Variants in MAPK7 observed in about 807,000 individuals in gnomAD.
MAPK7 encodes BMK-1.
MAPK7 carries 30 observed loss-of-function variants against 56.9 expected under a neutral mutation model. That is an observed-to-expected ratio of 0.53 (90% confidence interval 0.39 to 0.72). The LOEUF is 0.72. Ranked by LOEUF, MAPK7 falls within the 30% of genes least tolerant of loss-of-function variation. The pLI, the probability that MAPK7 is intolerant of heterozygous loss-of-function variation, is 0.00. For synonymous variants in MAPK7, 516 were observed against 449.3 expected (o/e 1.15, Z -1.88); for missense variants, 952 against 1,110.8 (o/e 0.86, Z 2.03).
chr17:19,382,752 T>G, intron 5 of MAPK7, 61 bp from the exon 6 acceptor site: 11 of 1,588,886 alleles, frequency 6.9e-6, no homozygotes, highest in Admixed American at 1.7e-5. Context: ...GTCAGCAGCA[T>G]TGGGACAGGG....
In MAPK7 at chr17:19,381,860, G is replaced by A; in HGVS notation, c.1557G>A (p.Glu519=). ...AGGAGCGCCAGCGGGAGCGGGAGGA[G>A]AAGCGGCGGAGGCGGCAAGAACGAG... ...TAQERQRERE[E]KRRRRQERAK... is the part of the protein sequence containing the mutation. Residue 519 remains glutamate, a synonymous_variant, in exon 5 of 7, where the codon GAG becomes GAA. Coordinates refer to ENST00000395604, the MANE Select transcript of MAPK7 (RefSeq NM_002749.4). The surrounding 1 kb of genome is among the most constrained non-coding windows in gnomAD (Gnocchi z 4.6). 1 of 1,585,032 alleles carries A rather than the reference G, an allele frequency of 6.3e-7. No individual in the cohort carries two copies.
chr17:19,378,199 C>T (rs894047109), upstream of MAPK7: 49 of 984,316 alleles, frequency 5.0e-5, no homozygotes, highest in Non-Finnish European at 5.7e-5. The surrounding 1 kb of genome is among the most constrained non-coding windows in gnomAD (Gnocchi z 5.4). Flanking sequence ...TTCATGGGGA[C>T]GCGCGCGCTA....
chr17:19,378,512 C>G lies in MAPK7; in HGVS notation c.-124C>G. The G allele has an allele frequency of 9.1e-7, 1 of 1,101,876 alleles. No individual in the cohort carries two copies. The highest frequency in any genetic ancestry group is 1.1e-6 in the Non-Finnish European group (1 of 899,630). 68.3% of individuals were successfully genotyped at this position (1,101,876 alleles called of 1,614,324 possible). A position where few individuals can be genotyped will look rare whatever the true frequency, so the allele number is the denominator to read the frequency against. The stretch of plus-strand genomic sequence containing the variant: ...GGGGGACGGACAGGGCAGCTCAAGA[C>G]GCTGAGGTGGTGGCTGCGGCCTTTG... On this transcript the variant is annotated 5_prime_UTR_variant, in exon 1 of 7. Coordinates refer to ENST00000395604, the MANE Select transcript of MAPK7 (RefSeq NM_002749.4). The surrounding 1 kb of genome is among the most constrained non-coding windows in gnomAD (Gnocchi z 5.4).
chr17:19,379,569 G>A, intron 2 of MAPK7: 9 of 587,104 alleles, frequency 1.5e-5, no homozygotes, highest in South Asian at 4.2e-5. Context: ...CTTTAACGTT[G>A]ACCTATTGGG....
rs1046415750 is a variant in MAPK7, at chr17:19,381,112, G to A, written c.903G>A (p.Leu301=). 3.7e-6 allele frequency: 6 copies of A among 1,613,884 alleles called. No homozygotes were observed. In the Admixed American group the frequency reaches 6.7e-5, roughly 18 times the overall value. The change falls in exon 4 of 7, where the codon TTG becomes TTA. Residue 301 remains leucine (L), a synonymous_variant. Transcript: ENST00000395604. This position sits in a 1 kb window ranked among gnomAD's most constrained non-coding sequence, Gnocchi z 4.6. ...AERVRAYIQS[L]PPRQPVPWET... is the part of the protein sequence containing the mutation. ...GGGTGCGGGCCTATATCCAGAGCTT[G>A]CCACCACGCCAGCCTGTGCCCTGGG...
In MAPK7 at chr17:19,381,035, A is replaced by G; in HGVS notation, c.826A>G (p.Met276Val). 8 of 1,614,082 alleles carry G rather than the reference A, an allele frequency of 5.0e-6. No individual in the cohort carries two copies. Among genetic ancestry groups the G allele is most frequent in the Non-Finnish European group, 6.8e-6 (8 of 1,180,030 alleles). The change falls in exon 4 of 7, where the codon ATG (methionine) becomes GTG (valine). Residue 276 changes from methionine (M) to valine (V), a missense_variant. Coordinates refer to ENST00000395604, the MANE Select transcript of MAPK7 (RefSeq NM_002749.4). The surrounding 1 kb of genome is among the most constrained non-coding windows in gnomAD (Gnocchi z 4.6). ...NYVHQLQLIM[M>V]VLGTPSPAVI... is the part of the protein sequence containing the mutation. ...TGTACACCAGCTACAGCTCATCATG[A>G]TGGTGCTGGGTACCCCATCACCAGC...
intron 2 of MAPK7, 146 bp from the exon 3 acceptor site, chr17:19,379,636 A>T: frequency 1.4e-6 from 1 of 689,896 alleles, no homozygotes; most frequent in Non-Finnish European, 2.4e-6. Flanking sequence ...TAACATGCTT[A>T]GCACAGGGCT....
intron 2 of MAPK7, 137 bp from the exon 3 acceptor site, chr17:19,379,645 C>CT: frequency 1.4e-6 from 1 of 736,152 alleles, no homozygotes; most frequent in Non-Finnish European, 2.3e-6. Flanking sequence ...TAGCACAGGG[C>CT]TTGGCACATA....
Position 19,382,410 on chromosome 17 carries a change from T to C in MAPK7, c.2107T>C (p.Ser703Pro), listed in dbSNP as rs765380529. The C allele has an allele frequency of 6.2e-7, 1 of 1,612,180 alleles. No individual in the cohort carries two copies. Among genetic ancestry groups the C allele is most frequent in the Non-Finnish European group, 8.5e-7 (1 of 1,179,262 alleles). ...PPDAGGAPQS[S>P]MSESPDVNLV... ...AGACGCCGGGGGAGCCCCTCAGTCTTCCATGTCAGAGTCACCTGATGTCAA... is the reference window on the plus strand; with the variant it reads ...AGACGCCGGGGGAGCCCCTCAGTCTCCCATGTCAGAGTCACCTGATGTCAA... The change falls in exon 5 of 7, where the codon TCC becomes CCC. Residue 703 changes from serine to proline, a missense_variant. This residue lies in a region of MAPK7 where 234 missense variants were observed against 210.4 expected (regional missense o/e 1.11). Transcript: ENST00000395604.
upstream of MAPK7, chr17:19,377,861 A>T: frequency 1.0e-6 from 1 of 985,394 alleles, no homozygotes; most frequent in Non-Finnish European, 1.2e-6. Flanking sequence ...GAAGATACCT[A>T]GAAGCCAGGA....
In MAPK7 at chr17:19,383,137, G is replaced by C. The variant is rs750066421; in HGVS notation, c.2357G>C (p.Gly786Ala). ...CTTGCTGACTGGCTCGAAGGCCATG[G>C]CATGAACCCTGCCGATATTGAGTCC... ...SLLADWLEGH[G>A]MNPADIESLQ... Residue 786 changes from glycine to alanine, a missense_variant, in exon 7 of 7, where the codon GGC becomes GCC. Transcript: ENST00000395604. 2 of 1,614,036 alleles carry C rather than the reference G, an allele frequency of 1.2e-6. No individual in the cohort carries two copies. The highest frequency in any genetic ancestry group is 1.7e-5 in the Admixed American group (1 of 60,006).
rs777627048 is a variant in MAPK7 at position 19,379,104 on chromosome 17, G to T, written c.204G>T (p.Val68=). The part of the protein sequence containing the change: ...IETIGNGAYG[V]VSSARRRLTG... ...CCATAGGCAACGGGGCCTATGGAGT[G>T]GTGTCCTCCGCCCGCCGCCGCCTCA... The change falls in exon 2 of 7, where the codon GTG becomes GTT. Residue 68 remains valine (V), a synonymous_variant. Coordinates refer to ENST00000395604, the MANE Select transcript of MAPK7 (RefSeq NM_002749.4). 20 of 1,612,806 alleles carry T rather than the reference G, an allele frequency of 1.2e-5. No homozygotes were observed. In the East Asian group the frequency reaches 4.2e-4, roughly 34 times the overall value.
At position 19,379,594 on chromosome 17, in the gene MAPK7, G is replaced by T. The variant is rs533377715; in HGVS notation, c.233-188G>T. On this transcript the variant is annotated intron_variant, in intron 2 of 6. Coordinates refer to ENST00000395604, the MANE Select transcript of MAPK7 (RefSeq NM_002749.4). ...GACCTATTGGGACCTGCCCCGCAGG[G>T]GAGTTGTGAAGGTAACATTTAATAA... The T allele has an allele frequency of 1.4e-4, 87 of 603,726 alleles. 1 individual carries two copies. The South Asian group carries it at 1.7e-3, about 12-fold the overall frequency. The allele number at this position is 603,726 out of a possible 1,614,324, so 37.4% of individuals were successfully genotyped here.
In MAPK7 at chr17:19,382,890, G is replaced by A. The variant is rs374711981; in HGVS notation, c.2241G>A (p.Leu747=). ...SGAGYGVGFD[L]EEFLNQSFDM... Reference sequence around the variant, plus strand: ...CTGGCTACGGTGTTGGCTTTGACCTGGAGGAATTCTTAAACCAGTCTTTCG... The same window carrying A: ...CTGGCTACGGTGTTGGCTTTGACCTAGAGGAATTCTTAAACCAGTCTTTCG... The change falls in exon 6 of 7, where the codon CTG becomes CTA. Residue 747 remains leucine, a synonymous_variant. Coordinates refer to ENST00000395604, the MANE Select transcript of MAPK7 (RefSeq NM_002749.4). 3.7e-6 allele frequency: 6 copies of A among 1,614,118 alleles called. No homozygotes were observed. The African/African-American group carries it at 6.7e-5, about 18-fold the overall frequency.
Position 19,378,512 on chromosome 17 carries a change from C to T in MAPK7, c.-124C>T. ...GGGGGACGGACAGGGCAGCTCAAGA[C>T]GCTGAGGTGGTGGCTGCGGCCTTTG... On this transcript the variant is annotated 5_prime_UTR_variant, in exon 1 of 7. It adds an upstream start codon to the 5' untranslated region. Coordinates refer to ENST00000395604, the MANE Select transcript of MAPK7 (RefSeq NM_002749.4). This position sits in a 1 kb window ranked among gnomAD's most constrained non-coding sequence, Gnocchi z 5.4. 9.1e-7 allele frequency: 1 copy of T among 1,101,876 alleles called. No homozygotes were observed. Among genetic ancestry groups the T allele is most frequent in the Non-Finnish European group, 1.1e-6 (1 of 899,630 alleles). 68.3% of individuals were successfully genotyped at this position (1,101,876 alleles called of 1,614,324 possible). A position where few individuals can be genotyped will look rare whatever the true frequency, so the allele number is the denominator to read the frequency against.
At position 19,383,146 on chromosome 17, in the gene MAPK7, C is replaced by T. The variant is rs1308292534; in HGVS notation, c.2366C>T (p.Pro789Leu). ...ADWLEGHGMN[P>L]ADIESLQREI... The stretch of plus-strand genomic sequence containing the variant: ...TGGCTCGAAGGCCATGGCATGAACC[C>T]TGCCGATATTGAGTCCCTGCAGCGT... Residue 789 changes from proline (P) to leucine (L), a missense_variant, in exon 7 of 7, where the codon CCT becomes CTT. Transcript: ENST00000395604. 1 of 1,614,160 alleles carries T rather than the reference C, an allele frequency of 6.2e-7. No homozygotes were observed. The highest frequency in any genetic ancestry group is 1.7e-5 in the Admixed American group (1 of 60,020).
At chr17:19,377,915 C>T (rs1380499502), upstream of MAPK7, 4 of 985,272 alleles carry the variant, frequency 4.1e-6, no homozygotes, top group South Asian at 4.7e-5. Context: ...TGCGGAGAGG[C>T]TCAGCCACCG....
chr17:19,381,281 G>C lies in MAPK7; in HGVS notation c.1072G>C (p.Asp358His). ...AKYHDPDDEPDCAPPFDFAFD... is the reference protein window; with the variant it reads ...AKYHDPDDEPHCAPPFDFAFD... ...GTACCATGATCCTGATGATGAGCCT[G>C]ACTGTGCCCCGCCCTTTGACTTTGC... The change falls in exon 4 of 7, where the codon GAC (aspartate) becomes CAC (histidine). Residue 358 changes from aspartate to histidine, a missense_variant. This residue lies in a region of MAPK7 where 429 missense variants were observed against 533.0 expected (regional missense o/e 0.80). Transcript: ENST00000395604. This position sits in a 1 kb window ranked among gnomAD's most constrained non-coding sequence, Gnocchi z 4.6. The C allele has an allele frequency of 1.2e-6, 2 of 1,614,084 alleles. No individual in the cohort carries two copies. The highest frequency in any genetic ancestry group is 1.7e-6 in the Non-Finnish European group (2 of 1,180,044).
Position 19,378,561 on chromosome 17 carries a change from G to C in MAPK7, c.-75G>C. On this transcript the variant is annotated 5_prime_UTR_variant, in exon 1 of 7. Transcript: ENST00000395604. This position sits in a 1 kb window ranked among gnomAD's most constrained non-coding sequence, Gnocchi z 5.4. Reference sequence around the variant, plus strand: ...TGAACAAGTAAGTGAGCCACCCTCGGAGACCCCCGCGCTGGGGACGGGAGG... The same window carrying C: ...TGAACAAGTAAGTGAGCCACCCTCGCAGACCCCCGCGCTGGGGACGGGAGG... 3 of 1,198,964 alleles carry C rather than the reference G, an allele frequency of 2.5e-6. No individual in the cohort carries two copies. In the South Asian group the frequency reaches 6.8e-5, roughly 27 times the overall value. The allele number at this position is 1,198,964 out of a possible 1,614,324, so 74.3% of individuals were successfully genotyped here.
Sources: gnomAD v4.1 joint callset for allele counts on GRCh38, gnomAD v4.1.1 for gene constraint, gnomAD v4.1.1 regional missense constraint, Gnocchi (gnomAD v3.1) non-coding constraint, MANE v1.5 for transcripts, NCBI Gene and HGNC (gene_info 2026-07-23, HGNC 2026-07-21) for gene names.